Variants in OSBPL10 observed in about 807,000 individuals in gnomAD.
The protein encoded by OSBPL10 is oxysterol binding protein like 10.
In OSBPL10, 49 loss-of-function variants were observed where a neutral mutation model predicts 81.7. That is an observed-to-expected ratio of 0.60 (90% CI 0.48 to 0.76). The LOEUF (loss-of-function observed/expected upper bound fraction) is 0.76. Ranked by LOEUF, OSBPL10 falls within the 30% of genes least tolerant of loss-of-function variation. The pLI is 0.00. For synonymous variants in OSBPL10, 419 were observed against 383.6 expected (o/e 1.09, Z -1.08); for missense variants, 923 against 987.8 (o/e 0.93, Z 0.88).
At chr3:31,797,988 T>G in intron 4 of OSBPL10, 1 of 311,248 alleles carries the variant, frequency 3.2e-6, no homozygotes, top group East Asian at 8.5e-5. Context: ...TTCCAAACTC[T>G]GGGTCCGGGC....
At chr3:32,004,647 T>C (rs1426042338) in intron 2 of OSBPL10, among the ~76,000 whole-genome samples, 2 of 152,216 alleles carry the variant, frequency 1.3e-5, no homozygotes, top group Non-Finnish European at 2.9e-5. Context: ...TGTTCTGAGT[T>C]TTCTTTCAAC....
chr3:32,063,080 G>T (rs60400172), intron 1 of OSBPL10, among the ~76,000 whole-genome samples: 8,838 of 93,032 alleles, frequency 0.095, 2,871 homozygotes, highest in Middle Eastern at 0.17. Context: ...CCAAGACCTT[G>T]CAGTGGGATG....
intron 6 of OSBPL10, among the ~76,000 whole-genome samples, chr3:31,706,232 C>T (rs1163900236): frequency 6.6e-6 from 1 of 152,094 alleles, no homozygotes; most frequent in Non-Finnish European, 1.5e-5. Flanking sequence ...CCCTGGTGAC[C>T]CACAGTGACC....
At chr3:31,756,793 G>A (rs981049855) in intron 4 of OSBPL10, among the ~76,000 whole-genome samples, 1 of 152,124 alleles carries the variant, frequency 6.6e-6, no homozygotes, top group Non-Finnish European at 1.5e-5. Flanking sequence ...TCATAACAAC[G>A]ATGTCTTTTA....
intron 1 of OSBPL10, among the ~76,000 whole-genome samples, chr3:31,926,198 C>T (rs1314850259): frequency 6.6e-6 from 1 of 150,384 alleles, no homozygotes; most frequent in Non-Finnish European, 1.5e-5. Flanking sequence ...AATGTTTATT[C>T]ATTTTCTTAT....
At chr3:31,832,650 C>T (rs1325721886) in intron 3 of OSBPL10, among the ~76,000 whole-genome samples, 2 of 152,156 alleles carry the variant, frequency 1.3e-5, no homozygotes, top group Non-Finnish European at 2.9e-5. Flanking sequence ...TACACAGATG[C>T]ACACTTACAA....
chr3:31,823,844 A>ATG (rs10588069), intron 4 of OSBPL10, among the ~76,000 whole-genome samples: 60,206 of 148,194 alleles, frequency 0.41, 12,215 homozygotes, highest in Admixed American at 0.54. Flanking sequence ...GTATGTGTGT[A>ATG]TGTGTGTGTG....
chr3:31,734,746 C>T (rs1697098312), intron 5 of OSBPL10, among the ~76,000 whole-genome samples: 3 of 151,936 alleles, frequency 2.0e-5, no homozygotes, highest in Non-Finnish European at 4.4e-5. Flanking sequence ...TCCAAAAAAG[C>T]TAATAAAAAA....
Position 31,867,889 on chromosome 3 carries a change from A to C in OSBPL10, c.537+8544T>G, listed in dbSNP as rs72850596. ...ACAAGAGAGATCCCAGAAATGTTCT[A>C]AGAAACAGGTCCCCAACTGAACACT... On this transcript the variant is annotated intron_variant, in intron 3 of 11. Coordinates refer to ENST00000396556, the MANE Select transcript of OSBPL10 (RefSeq NM_017784.5). Among the ~76,000 whole-genome samples, 993 of 152,274 alleles carry C rather than the reference A, an allele frequency of 6.5e-3. 13 individuals carry two copies. The highest frequency in any genetic ancestry group is 0.022 in the African/African-American group (927 of 41,550).
chr3:31,891,842 T>C (rs952204517), intron 1 of OSBPL10, among the ~76,000 whole-genome samples: 3 of 152,156 alleles, frequency 2.0e-5, no homozygotes. Context: ...AGCTCAACAA[T>C]GTTTTGAAGA....
chr3:31,966,750 A>C (rs1334684267), intron 1 of OSBPL10, among the ~76,000 whole-genome samples: 1 of 151,414 alleles, frequency 6.6e-6, no homozygotes, highest in African/African-American at 2.5e-5. Flanking sequence ...AAAACAAACA[A>C]CCTGATTGAA....
chr3:31,981,024 C>T lies in OSBPL10; in HGVS notation c.156G>A (p.Gly52=). The T allele has an allele frequency of 6.8e-7, 1 of 1,472,724 alleles. No homozygotes were observed. Among genetic ancestry groups the T allele is most frequent in the Admixed American group, 2.6e-5 (1 of 38,566 alleles). The allele number at this position is 1,472,724 out of a possible 1,614,324, so 91.2% of individuals were successfully genotyped here. Residue 52 remains glycine (G), a synonymous_variant, in exon 1 of 12, where the codon GGG becomes GGA. Coordinates refer to ENST00000396556, the MANE Select transcript of OSBPL10 (RefSeq NM_017784.5). The surrounding 1 kb of genome is among the most constrained non-coding windows in gnomAD (Gnocchi z 4.5). The part of the protein sequence containing the change: ...SRSAAAGLGG[G]GSRSSPGSVA... Reference sequence around the variant, plus strand: ...CAGAGCCCGGGCTGCTGCGGCTTCCCCCGCCGCCGAGCCCGGCCGCCGCCG... The same window carrying T: ...CAGAGCCCGGGCTGCTGCGGCTTCCTCCGCCGCCGAGCCCGGCCGCCGCCG...
intron 2 of OSBPL10, among the ~76,000 whole-genome samples, chr3:32,024,307 C>A (rs766795839): frequency 6.6e-6 from 1 of 151,910 alleles, no homozygotes; most frequent in African/African-American, 2.4e-5. Context: ...GGAAAATCAC[C>A]CTTTAACAAA....
chr3:32,040,075 A>C (rs933755454), intron 2 of OSBPL10, among the ~76,000 whole-genome samples: 3 of 152,176 alleles, frequency 2.0e-5, no homozygotes, highest in African/African-American at 7.2e-5. Flanking sequence ...ATATGACTCA[A>C]CAACTCCACT....
At chr3:31,947,592 C>T (rs1351531339) in intron 1 of OSBPL10, among the ~76,000 whole-genome samples, 1 of 152,156 alleles carries the variant, frequency 6.6e-6, no homozygotes, top group Non-Finnish European at 1.5e-5. Flanking sequence ...AGAAGGTACT[C>T]AGGCAGGGCA....
chr3:31,687,131 T>G lies in OSBPL10; in HGVS notation c.1246-3017A>C, dbSNP rs541778998. On this transcript the variant is annotated intron_variant, in intron 7 of 11. Transcript: ENST00000396556. ...GTGACTCCGTCTCCTGCTCTCTCCC[T>G]TCCCAGGTCCAAGGGGCCCTGTGAT... 5.3e-5 allele frequency among the ~76,000 whole-genome samples: 8 copies of G among 152,234 alleles called. No individual in the cohort carries two copies. In the South Asian group the frequency reaches 1.2e-3, roughly 24 times the overall value.
intron 10 of OSBPL10, among the ~76,000 whole-genome samples, chr3:31,667,036 C>T (rs1009613288): frequency 2.0e-5 from 3 of 152,152 alleles, no homozygotes; most frequent in African/African-American, 7.2e-5. Context: ...TTCTGCATTC[C>T]CATAGGCTAA....
chr3:31,811,227 C>G (rs1360165500), intron 4 of OSBPL10, among the ~76,000 whole-genome samples: 4 of 152,228 alleles, frequency 2.6e-5, no homozygotes, highest in South Asian at 2.1e-4. Context: ...GGACTGAGGA[C>G]TGGGTCAGAG....
chr3:31,871,133 C>T (rs758903499), intron 3 of OSBPL10, among the ~76,000 whole-genome samples: 5 of 152,198 alleles, frequency 3.3e-5, no homozygotes, highest in Non-Finnish European at 5.9e-5. Context: ...TCCCCTTCTG[C>T]ACTGTAGAAG....
Sources: allele counts gnomAD v4.1 joint callset (sites outside exome capture counted in the v4.1 genomes callset), GRCh38; gene constraint gnomAD v4.1.1; non-coding constraint Gnocchi (gnomAD v3.1); transcripts MANE v1.5; gene names NCBI Gene and HGNC (gene_info 2026-07-23, HGNC 2026-07-21).